PHACTR2: variants seen among roughly 807,000 people sequenced by gnomAD.
PHACTR2 encodes phosphatase and actin regulator 2, also known as chromosome 6 open reading frame 56.
Under a neutral mutation model 76.0 loss-of-function variants are expected in PHACTR2, and 30 were observed. The ratio of observed to expected loss-of-function variants is 0.39; its 90% CI spans 0.30 to 0.54. The LOEUF (loss-of-function observed/expected upper bound fraction) is 0.54, where lower values mean the gene tolerates loss of function less well. Among genes scored for constraint, PHACTR2 ranks in the 20% least tolerant of loss-of-function variants. PHACTR2 has a pLI of 0.61. For synonymous variants in PHACTR2, 292 were observed against 292.5 expected, an observed-to-expected ratio of 1.00 and a Z score of 0.02; for missense variants, 696 against 781.1, an observed-to-expected ratio of 0.89 and a Z score of 1.30.
chr6:143,779,304 T>C (rs1426801028), intron 9 of PHACTR2, among the ~76,000 whole-genome samples: 1 of 152,072 alleles, frequency 6.6e-6, no homozygotes, highest in African/African-American at 2.4e-5. Flanking sequence ...GAAAAGTATG[T>C]GATACAGTGT....
rs1775754620 is a variant in PHACTR2, at chr6:143,793,339, C to T, written c.1845+4429C>T. On this transcript the variant is annotated intron_variant, in intron 11 of 12. Coordinates refer to ENST00000440869, the MANE Select transcript of PHACTR2 (RefSeq NM_001100164.2). The surrounding 1 kb of genome is among the most constrained non-coding windows in gnomAD (Gnocchi z 4.4). ...ACTTCTAGGTTGCAGGGGAAAGGTA[C>T]ATGACCAGGTTTTCTGCCACAGGCT... Among the ~76,000 whole-genome samples the T allele has an allele frequency of 6.6e-6, 1 of 151,882 alleles. No individual in the cohort carries two copies. The highest frequency in any genetic ancestry group is 2.4e-5 in the African/African-American group (1 of 41,320).
chr6:143,791,023 T>G lies in PHACTR2; in HGVS notation c.1845+2113T>G, dbSNP rs1775675715. Among the ~76,000 whole-genome samples the G allele has an allele frequency of 6.6e-6, 1 of 152,216 alleles. No homozygotes were observed. The highest frequency in any genetic ancestry group is 6.5e-5 in the Admixed American group (1 of 15,278). On this transcript the variant is annotated intron_variant, in intron 11 of 12. Transcript: ENST00000440869. This position sits in a 1 kb window ranked among gnomAD's most constrained non-coding sequence, Gnocchi z 4.7. ...ACAGTCGAATTTATCAACCTTTTTCTTTATGGCTTATGATTTTGTTTCTGG... is the reference window on the plus strand; with the variant it reads ...ACAGTCGAATTTATCAACCTTTTTCGTTATGGCTTATGATTTTGTTTCTGG...
chr6:143,740,533 A>G (rs1045890814), intron 2 of PHACTR2, among the ~76,000 whole-genome samples: 1 of 151,368 alleles, frequency 6.6e-6, no homozygotes, highest in Non-Finnish European at 1.5e-5. Flanking sequence ...AGGAAAAAAT[A>G]AAATGAATAT....
rs916503685 is a variant in PHACTR2 at position 143,739,150 on chromosome 6, C to T, written c.215-9835C>T. Among the ~76,000 whole-genome samples, 2 of 152,130 alleles carry T rather than the reference C, an allele frequency of 1.3e-5. No individual in the cohort carries two copies. Among genetic ancestry groups the T allele is most frequent in the Non-Finnish European group, 2.9e-5 (2 of 68,022 alleles). ...CACGGTTTTGGCTCACTGCAAGCTC[C>T]GCCTCCCGGGTTCACTCCGTTCTCC... On this transcript the variant is annotated intron_variant, in intron 2 of 12. Coordinates refer to ENST00000440869, the MANE Select transcript of PHACTR2 (RefSeq NM_001100164.2). This position sits in a 1 kb window ranked among gnomAD's most constrained non-coding sequence, Gnocchi z 4.3.
At chr6:143,728,416 G>A (rs1391982653) in intron 2 of PHACTR2, among the ~76,000 whole-genome samples, 1 of 151,592 alleles carries the variant, frequency 6.6e-6, no homozygotes, top group Admixed American at 6.6e-5. Flanking sequence ...GTTTCACCAT[G>A]TTGCCCAGGC....
At chr6:143,603,724 G>A (rs377499300), upstream of PHACTR2, among the ~76,000 whole-genome samples, 20 of 152,292 alleles carry the variant, frequency 1.3e-4, no homozygotes, top group African/African-American at 4.3e-4. Context: ...TAGTACCTTG[G>A]AGAGCTATAT....
chr6:143,669,444 G>A (rs898554681), intron 1 of PHACTR2, among the ~76,000 whole-genome samples: 18 of 152,068 alleles, frequency 1.2e-4, no homozygotes, highest in African/African-American at 3.4e-4. Context: ...ATTCTGTCTC[G>A]TTGATCTGTC....
chr6:143,774,012 G>A lies in PHACTR2; in HGVS notation c.1433-47G>A, dbSNP rs554236881. 34 of 1,580,570 alleles carry A rather than the reference G, an allele frequency of 2.2e-5. No individual in the cohort carries two copies. In the South Asian group the frequency reaches 3.8e-4, roughly 18 times the overall value. Reference sequence around the variant, plus strand: ...TGCCATGTGTAACCTGAGTGCCACTGGCTAAAAGCCTCTCTCTCTGCATTT... The same window carrying A: ...TGCCATGTGTAACCTGAGTGCCACTAGCTAAAAGCCTCTCTCTCTGCATTT... On this transcript the variant is annotated intron_variant, in intron 7 of 12. Coordinates refer to ENST00000440869, the MANE Select transcript of PHACTR2 (RefSeq NM_001100164.2). The surrounding 1 kb of genome is among the most constrained non-coding windows in gnomAD (Gnocchi z 5.4).
rs13198403 is a variant in PHACTR2, at chr6:143,599,270, G to A, written c.217+62063G>A. Among the ~76,000 whole-genome samples the A allele has an allele frequency of 0.11, 17,362 of 152,176 alleles. 1,194 individuals carry two copies. Among genetic ancestry groups the A allele is most frequent in the South Asian group, 0.19 (913 of 4,826 alleles). Reference sequence around the variant, plus strand: ...ACTACTAGATGGCAAGTGTACTTTCGTAGGAGAAAACTAAACTTTCATTAG... The same window carrying A: ...ACTACTAGATGGCAAGTGTACTTTCATAGGAGAAAACTAAACTTTCATTAG... On this transcript the variant is annotated intron_variant, in intron 1 of 11. Coordinates refer to the PHACTR2 transcript ENST00000367584. This position sits in a 1 kb window ranked among gnomAD's most constrained non-coding sequence, Gnocchi z 4.6.
rs1312893489 is a variant in PHACTR2 at position 143,671,008 on chromosome 6, C to T, written c.14-41008C>T. Among the ~76,000 whole-genome samples the T allele has an allele frequency of 6.6e-6, 1 of 151,982 alleles. No individual in the cohort carries two copies. Among genetic ancestry groups the T allele is most frequent in the Admixed American group, 6.6e-5 (1 of 15,238 alleles). On this transcript the variant is annotated intron_variant, in intron 1 of 11. Coordinates refer to the PHACTR2 transcript ENST00000305766. The surrounding 1 kb of genome is among the most constrained non-coding windows in gnomAD (Gnocchi z 4.6). ...GCACGATCTCGACTCACTGCAACCT[C>T]CACCTCCCAGTTCCAGGTTCAAGCA...
At chr6:143,681,917 A>G (rs1391518637) in intron 1 of PHACTR2, among the ~76,000 whole-genome samples, 2 of 152,212 alleles carry the variant, frequency 1.3e-5, no homozygotes, top group South Asian at 2.1e-4. Context: ...TGGATTCTCA[A>G]TTCTGCTCCA....
intron 1 of PHACTR2, among the ~76,000 whole-genome samples, chr6:143,634,560 C>T (rs1459882307): frequency 6.6e-6 from 1 of 152,078 alleles, no homozygotes; most frequent in Non-Finnish European, 1.5e-5. Context: ...GTTCATTGTA[C>T]CATAAGTGTT....
intron 1 of PHACTR2, among the ~76,000 whole-genome samples, chr6:143,567,541 G>A (rs745779149): frequency 1.3e-5 from 2 of 152,194 alleles, no homozygotes; most frequent in Non-Finnish European, 1.5e-5. Context: ...TGGAACTACA[G>A]GCACACGCCG....
At chr6:143,788,723 A>T (rs1432306186) in intron 10 of PHACTR2, 50 bp from the exon 11 acceptor site, 1 of 1,534,214 alleles carries the variant, frequency 6.5e-7, no homozygotes, top group African/African-American at 1.4e-5. Context: ...TGCCACCATG[A>T]GGCTGTAAGT....
chr6:143,579,838 T>C (rs1411229412), intron 1 of PHACTR2, among the ~76,000 whole-genome samples: 2 of 152,176 alleles, frequency 1.3e-5, no homozygotes, highest in Non-Finnish European at 2.9e-5. Flanking sequence ...CACATTTAGC[T>C]GGGCCCTCTG....
Position 143,678,862 on chromosome 6 carries a change from TA to T in PHACTR2, c.46+657del. Among the ~76,000 whole-genome samples the T allele has an allele frequency of 6.6e-6, 1 of 152,206 alleles. No homozygotes were observed. Among genetic ancestry groups the T allele is most frequent in the South Asian group, 2.1e-4 (1 of 4,816 alleles). ...GTGTCTGAGTTCTAATGCTCTGTTT[TA>T]AAAGTTTCTTTTTTCCATTTTCTTA... is the stretch of plus-strand genomic sequence containing the variant. On this transcript the variant is annotated intron_variant, in intron 1 of 12. Transcript: ENST00000440869. This position sits in a 1 kb window ranked among gnomAD's most constrained non-coding sequence, Gnocchi z 6.2.
intron 1 of PHACTR2, among the ~76,000 whole-genome samples, chr6:143,613,851 A>G (rs1045969736): frequency 6.6e-6 from 1 of 152,198 alleles, no homozygotes; most frequent in African/African-American, 2.4e-5. Flanking sequence ...CCACCTCCAC[A>G]CACAAAGAAT....
rs1215901153 is a variant in PHACTR2 at position 143,772,706 on chromosome 6, T to C, written c.1432+249T>C. The stretch of plus-strand genomic sequence containing the variant: ...CTAGATGAGCTAGATGTGCTAGATG[T>C]GCATATTAGTATTTGTGCTGAGAAT... On this transcript the variant is annotated intron_variant, in intron 7 of 12. Transcript: ENST00000440869. The surrounding 1 kb of genome is among the most constrained non-coding windows in gnomAD (Gnocchi z 5.4). Among the ~76,000 whole-genome samples the C allele has an allele frequency of 6.6e-6, 1 of 152,226 alleles. No individual in the cohort carries two copies. Among genetic ancestry groups the C allele is most frequent in the East Asian group, 1.9e-4 (1 of 5,190 alleles).
At chr6:143,779,942 A>ATAT (rs1383608334) in intron 9 of PHACTR2, among the ~76,000 whole-genome samples, 13 of 137,364 alleles carry the variant, frequency 9.5e-5, no homozygotes, top group Non-Finnish European at 1.6e-4. Context: ...ATATTATATT[A>ATAT]TATTATATTT....
Sources: gnomAD v4.1 joint callset for allele counts (sites outside exome capture counted in the v4.1 genomes callset) on GRCh38, gnomAD v4.1.1 for gene constraint, Gnocchi (gnomAD v3.1) non-coding constraint, MANE v1.5 for transcripts, NCBI Gene and HGNC (gene_info 2026-07-23, HGNC 2026-07-21) for gene names.